MYCBP2: variants seen among roughly 807,000 people sequenced by gnomAD.
MYCBP2 encodes MYC binding protein 2.
MYCBP2 carries 120 observed loss-of-function variants against 525.3 expected under a neutral mutation model. The observed-to-expected ratio is 0.23, with a 90% CI of 0.20 to 0.27. MYCBP2 has a LOEUF of 0.27. MYCBP2 is among the 10% of genes least tolerant of loss of function. The pLI, the probability that MYCBP2 is intolerant of heterozygous loss-of-function variation, is 1.00. For synonymous variants in MYCBP2, 1,894 were observed against 1,955.8 expected (o/e 0.97, Z 0.83); for missense variants, 4,149 against 5,657.1 (o/e 0.73, Z 8.55).
intron 55 of MYCBP2, among the ~76,000 whole-genome samples, chr13:77,116,053 A>G (rs529614103): frequency 1.3e-5 from 2 of 151,820 alleles, no homozygotes; most frequent in African/African-American, 4.8e-5. Context: ...CCATTTTACT[A>G]TGTATGTTTC....
intron 26 of MYCBP2, 51 bp from the exon 27 acceptor site, chr13:77,194,295 G>T: frequency 7.6e-7 from 1 of 1,313,456 alleles, no homozygotes; most frequent in Non-Finnish European, 1.1e-6. Flanking sequence ...ATACATATCT[G>T]ATGAACAATG....
At chr13:77,158,657 A>G (rs1422176030) in intron 44 of MYCBP2, among the ~76,000 whole-genome samples, 1 of 152,110 alleles carries the variant, frequency 6.6e-6, no homozygotes, top group Non-Finnish European at 1.5e-5. Context: ...TATGTTGCCC[A>G]GGCTGGTCTT....
chr13:77,261,992 A>G (rs534840527), intron 11 of MYCBP2, 61 bp downstream of exon 11: 2 of 1,311,876 alleles, frequency 1.5e-6, no homozygotes, highest in African/African-American at 1.5e-5. Flanking sequence ...TAATCAACAG[A>G]TTGTATTTTA....
chr13:77,111,013 A>C (rs144941816), intron 55 of MYCBP2, among the ~76,000 whole-genome samples: 58 of 152,302 alleles, frequency 3.8e-4, no homozygotes, highest in African/African-American at 1.3e-3. Flanking sequence ...AAGGATGAGA[A>C]GTCTGATTAC....
intron 47 of MYCBP2, among the ~76,000 whole-genome samples, chr13:77,147,005 T>C (rs569956611): frequency 4.6e-5 from 7 of 152,272 alleles, no homozygotes; most frequent in African/African-American, 9.6e-5. Flanking sequence ...GGACAGATTA[T>C]GGAATAGATC....
intron 73 of MYCBP2, among the ~76,000 whole-genome samples, 168 bp from the exon 74 acceptor site, chr13:77,062,865 T>C (rs2039553325): frequency 6.6e-6 from 1 of 152,230 alleles, no homozygotes; most frequent in Non-Finnish European, 1.5e-5. Flanking sequence ...ACACGATCAC[T>C]GTCCTATGTG....
At chr13:77,286,789 AATATATATAT>A (rs1197559343) in intron 3 of MYCBP2, among the ~76,000 whole-genome samples, 83 of 42,290 alleles carry the variant, frequency 2.0e-3, no homozygotes, top group Middle Eastern at 0.024. Context: ...AAAAAAAAAA[AATATATATAT>A]ATATATATAT....
In MYCBP2 at chr13:77,194,217, C is replaced by G; in HGVS notation, c.3871G>C (p.Asp1291His). ...AGAAGGTCACCATCAGTTTCATGAT[C>G]TCCTCCATCAGGACCCAATTCAAAC... The part of the protein sequence containing the change: ...KLFELGPDGG[D>H]HETDGDLLAE... Residue 1291 changes from aspartate (D) to histidine (H), a missense_variant, in exon 27 of 83, where the codon GAT becomes CAT. Physicochemically the swap from Asp to His is moderately conservative, Grantham distance 81. Around this residue, in one of 21 missense-constraint regions of MYCBP2, gnomAD observed 620 missense variants for 795.5 expected, o/e 0.78. Transcript: ENST00000544440. The G allele has an allele frequency of 6.2e-7, 1 of 1,613,344 alleles. No individual in the cohort carries two copies. The highest frequency in any genetic ancestry group is 8.5e-7 in the Non-Finnish European group (1 of 1,179,490).
Position 77,264,010 on chromosome 13 carries a change from A to C in MYCBP2, c.1358-8T>G. 2 of 1,609,062 alleles carry C rather than the reference A, an allele frequency of 1.2e-6. No individual in the cohort carries two copies. The highest frequency in any genetic ancestry group is 1.7e-6 in the Non-Finnish European group (2 of 1,176,610). ...GACCTTCAGTGTGGCAATCTGTGCA[A>C]AAGAAAAAGTATTTATATTACAATA... is the stretch of plus-strand genomic sequence containing the variant. On this transcript the variant is annotated splice_region_variant and splice_polypyrimidine_tract_variant and intron_variant, in intron 8 of 82. Transcript: ENST00000544440.
chr13:77,233,147 A>G lies in MYCBP2; in HGVS notation c.2737+9T>C, dbSNP rs745375644. ...GTATCCCACCTAGGTGATAAGGAAG[A>G]CCAAATACCTTTGTGCTTGTCCCGT... On this transcript the variant is annotated intron_variant, in intron 18 of 82. Coordinates refer to ENST00000544440, the MANE Select transcript of MYCBP2 (RefSeq NM_015057.5). 6.2e-7 allele frequency: 1 copy of G among 1,610,762 alleles called. No homozygotes were observed. The highest frequency in any genetic ancestry group is 1.1e-5 in the South Asian group (1 of 90,732).
chr13:77,162,077 G>C (rs1430788180), intron 43 of MYCBP2, 122 bp from the exon 44 acceptor site: 1 of 684,262 alleles, frequency 1.5e-6, no homozygotes, highest in East Asian at 2.8e-5. Flanking sequence ...AGATTGAAAA[G>C]ATTTGTGATT....
chr13:77,078,068 T>A (rs2042630040), intron 66 of MYCBP2: 3 of 152,224 alleles, frequency 2.0e-5, no homozygotes, highest in African/African-American at 7.2e-5. Flanking sequence ...TAAATAGACA[T>A]TAAGTTGATA....
At chr13:77,191,576 T>C (rs2061303357) in intron 28 of MYCBP2, 103 bp downstream of exon 28, 1 of 1,351,618 alleles carries the variant, frequency 7.4e-7, no homozygotes, top group African/African-American at 1.5e-5. Context: ...TGCTCTAGTC[T>C]TCCTAAGCTT....
At chr13:77,265,510 GTA>G in intron 8 of MYCBP2, among the ~76,000 whole-genome samples, 1 of 152,192 alleles carries the variant, frequency 6.6e-6, no homozygotes, top group South Asian at 2.1e-4. Flanking sequence ...GATAAAAAAA[GTA>G]TGTTTTAAGT....
In MYCBP2 at chr13:77,166,504, C is replaced by G. The variant is rs746606786; in HGVS notation, c.6165G>C (p.Gln2055His). 3 of 1,613,740 alleles carry G rather than the reference C, an allele frequency of 1.9e-6. No homozygotes were observed. Among genetic ancestry groups the G allele is most frequent in the Non-Finnish European group, 2.5e-6 (3 of 1,179,788 alleles). Reference protein sequence around the residue: ...VRWMTIEFDPQCGTAQSEDVL... With the variant: ...VRWMTIEFDPHCGTAQSEDVL... Reference sequence around the variant, plus strand: ...CATCTTCTGACTGTGCAGTACCACACTGAGGGTCAAATTCGATTGTCATCC... The same window carrying G: ...CATCTTCTGACTGTGCAGTACCACAGTGAGGGTCAAATTCGATTGTCATCC... Residue 2055 changes from glutamine (Q) to histidine (H), a missense_variant, in exon 41 of 83, where the codon CAG (glutamine) becomes CAC (histidine). Coordinates refer to ENST00000544440, the MANE Select transcript of MYCBP2 (RefSeq NM_015057.5).
At chr13:77,068,290 C>T (rs2040529537) in intron 70 of MYCBP2, among the ~76,000 whole-genome samples, 1 of 151,974 alleles carries the variant, frequency 6.6e-6, no homozygotes, top group South Asian at 2.1e-4. Context: ...CTGGTCAGGG[C>T]TAAATGACAT....
Position 77,267,947 on chromosome 13 carries a change from G to T in MYCBP2, c.1261-10C>A. Reference sequence around the variant, plus strand: ...TATATAATAAATAACCCTGATAACAGCAAAAAATTTTCCTGTTAAAATATT... The same window carrying T: ...TATATAATAAATAACCCTGATAACATCAAAAAATTTTCCTGTTAAAATATT... On this transcript the variant is annotated splice_polypyrimidine_tract_variant and intron_variant, in intron 7 of 82. Transcript: ENST00000544440. 2 of 1,586,112 alleles carry T rather than the reference G, an allele frequency of 1.3e-6. No homozygotes were observed. Among genetic ancestry groups the T allele is most frequent in the Non-Finnish European group, 1.7e-6 (2 of 1,158,962 alleles).
chr13:77,309,054 A>T (rs934623402), intron 1 of MYCBP2, among the ~76,000 whole-genome samples: 1 of 152,222 alleles, frequency 6.6e-6, no homozygotes, highest in Non-Finnish European at 1.5e-5. Context: ...GACACTAAGA[A>T]CATCTCCTAC....
chr13:77,161,387 A>G (rs905603612), intron 44 of MYCBP2, among the ~76,000 whole-genome samples: 11 of 152,208 alleles, frequency 7.2e-5, no homozygotes, highest in African/African-American at 2.7e-4. Context: ...AAAAAGGTAA[A>G]GCAAACAATA....
Sources: gnomAD v4.1 joint callset for allele counts (sites outside exome capture counted in the v4.1 genomes callset) on GRCh38, gnomAD v4.1.1 for gene constraint, gnomAD v4.1.1 regional missense constraint, MANE v1.5 for transcripts, NCBI Gene and HGNC (gene_info 2026-07-23, HGNC 2026-07-21) for gene names.